POLA1: variants seen among roughly 807,000 people sequenced by gnomAD.
POLA1 encodes DNA polymerase alpha 1, catalytic subunit.
POLA1 carries 15 observed loss-of-function variants against 124.0 expected under a neutral mutation model. The observed-to-expected ratio is 0.12, with a 90% confidence interval of 0.08 to 0.19. The LOEUF (loss-of-function observed/expected upper bound fraction) is 0.19. POLA1 is among the 10% of genes least tolerant of loss of function. The pLI is 1.00. For missense variants in POLA1, 886 were observed against 1,103.4 expected, an observed-to-expected ratio of 0.80 and a Z score of 2.79; for synonymous variants, 408 against 389.4, an observed-to-expected ratio of 1.05 and a Z score of -0.56.
intron 36 of POLA1, among the ~76,000 whole-genome samples, chrX:24,959,289 C>T (rs926812593): frequency 9.0e-6 from 1 of 110,899 alleles, no homozygotes; most frequent in Admixed American, 9.6e-5. Context: ...CATGGTGAAA[C>T]CCCGTCTCTG....
At chrX:24,925,688 A>G (rs2047679472) in intron 35 of POLA1, among the ~76,000 whole-genome samples, 1 of 112,057 alleles carries the variant, frequency 8.9e-6, no homozygotes, top group South Asian at 3.7e-4. Flanking sequence ...AATGATACAT[A>G]TTAATATGTG....
At chrX:24,881,387 T>C (rs1259458277) in intron 34 of POLA1, among the ~76,000 whole-genome samples, 1 of 111,753 alleles carries the variant, frequency 8.9e-6, no homozygotes, top group Non-Finnish European at 1.9e-5. Context: ...TTTTGTGAGT[T>C]TTCTTATTTG....
At chrX:24,926,901 G>A (rs376047438) in intron 35 of POLA1, among the ~76,000 whole-genome samples, 6 of 109,365 alleles carry the variant, frequency 5.5e-5, no homozygotes, top group African/African-American at 1.7e-4. Flanking sequence ...GCGTGATCTC[G>A]GCTCACTGCA....
chrX:24,731,826 T>G (rs1467530469), intron 15 of POLA1, among the ~76,000 whole-genome samples: 1 of 112,114 alleles, frequency 8.9e-6, no homozygotes, highest in African/African-American at 3.2e-5. Flanking sequence ...CAAAATAATC[T>G]AGAGAGAGGA....
intron 2 of POLA1, among the ~76,000 whole-genome samples, chrX:24,701,599 C>T (rs752560937): frequency 9.2e-6 from 1 of 109,127 alleles, no homozygotes; most frequent in Non-Finnish European, 1.9e-5. Flanking sequence ...CCACGCCTGG[C>T]TAATTTTTAT....
chrX:24,770,493 C>T (rs1195977599), intron 26 of POLA1, among the ~76,000 whole-genome samples: 1 of 111,583 alleles, frequency 9.0e-6, no homozygotes, highest in African/African-American at 3.3e-5. Flanking sequence ...CAGGGTGAAG[C>T]CCAAGAGGAA....
At chrX:24,823,750 G>A (rs941890525) in intron 31 of POLA1, among the ~76,000 whole-genome samples, 1 of 112,297 alleles carries the variant, frequency 8.9e-6, no homozygotes, top group African/African-American at 3.2e-5. Context: ...TTAAGCAAGG[G>A]TGTCCTCCAA....
rs773275272 is a variant in POLA1, at chrX:24,741,324, A to G, written c.2217-51A>G. ...ATTTTGTGAAGTTCTGATTATAGGC[A>G]TTGTTTCTTTTAATTACTTGATTCT... On this transcript the variant is annotated intron_variant, in intron 20 of 36. Transcript: ENST00000379068. The G allele has an allele frequency of 4.0e-6, 4 of 1,012,228 alleles. No homozygotes were observed. The South Asian group carries it at 8.8e-5, about 22-fold the overall frequency. The allele number at this position is 1,012,228 out of a possible 1,213,427, so 83.4% of individuals were successfully genotyped here. A position where few individuals can be genotyped will look rare whatever the true frequency, so the allele number is the denominator to read the frequency against.
At chrX:24,849,928 C>T (rs147215716) in intron 34 of POLA1, among the ~76,000 whole-genome samples, 1 of 111,394 alleles carries the variant, frequency 9.0e-6, no homozygotes, top group African/African-American at 3.3e-5. Context: ...CCACACCCGG[C>T]CAGCTAATTT....
intron 24 of POLA1, among the ~76,000 whole-genome samples, chrX:24,746,236 A>G (rs974497053): frequency 1.8e-5 from 2 of 111,144 alleles, no homozygotes; most frequent in East Asian, 2.8e-4. Flanking sequence ...TGACCACAAG[A>G]GTAGGTTCAC....
chrX:24,833,325 T>A (rs2046294941), intron 32 of POLA1, among the ~76,000 whole-genome samples: 1 of 111,932 alleles, frequency 8.9e-6, no homozygotes, highest in South Asian at 3.8e-4. Context: ...GCTGGTTCCA[T>A]ATTTTTGCAG....
intron 35 of POLA1, among the ~76,000 whole-genome samples, chrX:24,911,252 C>G (rs1462165008): frequency 3.6e-5 from 4 of 111,605 alleles, no homozygotes; most frequent in Non-Finnish European, 7.5e-5. Flanking sequence ...CAAAGTAGGT[C>G]AATTACCGAT....
At chrX:24,837,357 T>G (rs2046354203) in intron 32 of POLA1, among the ~76,000 whole-genome samples, 2 of 111,869 alleles carry the variant, frequency 1.8e-5, no homozygotes, top group Admixed American at 9.5e-5. Context: ...GTATATACTC[T>G]TTTTGTGTGC....
Position 24,888,817 on chromosome X carries a change from G to T in POLA1, c.4164+695G>T, listed in dbSNP as rs750158489. On this transcript the variant is annotated intron_variant, in intron 35 of 36. Transcript: ENST00000379068. ...TCTTGATCTCTTGACCTTGTGATCCGCCCACCTCGGTCTCCCAAAGTGCTG... is the reference window on the plus strand; with the variant it reads ...TCTTGATCTCTTGACCTTGTGATCCTCCCACCTCGGTCTCCCAAAGTGCTG... Among the ~76,000 whole-genome samples, 3 of 107,533 alleles carry T rather than the reference G, an allele frequency of 2.8e-5. No homozygotes were observed. In the South Asian group the frequency reaches 1.3e-3, roughly 45 times the overall value. The allele number at this position is 107,533 out of a possible 115,157, so 93.4% of individuals were successfully genotyped here.
intron 35 of POLA1, among the ~76,000 whole-genome samples, chrX:24,894,788 CTT>C (rs761056089): frequency 1.1e-4 from 11 of 98,551 alleles, no homozygotes; most frequent in Admixed American, 1.1e-4. Flanking sequence ...CTTTTCTTTT[CTT>C]TTTTTTTTTT....
intron 17 of POLA1, 31 bp downstream of exon 17, chrX:24,733,847 T>C (rs1931092399): frequency 1.2e-6 from 1 of 843,615 alleles, no homozygotes; most frequent in Non-Finnish European, 1.7e-6. Flanking sequence ...AGCACCTGTT[T>C]GTTTGGAGCG....
chrX:24,877,368 T>C (rs2046948565), intron 34 of POLA1, among the ~76,000 whole-genome samples: 1 of 112,090 alleles, frequency 8.9e-6, no homozygotes, highest in Non-Finnish European at 1.9e-5. Flanking sequence ...AGTTTACTAG[T>C]AGCCCCTGGT....
chrX:24,853,060 A>C (rs897857698), intron 34 of POLA1, among the ~76,000 whole-genome samples: 1 of 112,644 alleles, frequency 8.9e-6, no homozygotes, highest in African/African-American at 3.2e-5. Context: ...GATTTCTCTC[A>C]ACTACAGCTT....
chrX:24,896,138 T>G (rs2047203158), intron 35 of POLA1, among the ~76,000 whole-genome samples: 1 of 111,590 alleles, frequency 9.0e-6, no homozygotes, highest in Admixed American at 9.5e-5. Flanking sequence ...GGGGGCAGTT[T>G]TGCCCCCCAG....
Sources: gnomAD v4.1 joint callset for allele counts (sites outside exome capture counted in the v4.1 genomes callset) on GRCh38, gnomAD v4.1.1 for gene constraint, MANE v1.5 for transcripts, NCBI Gene and HGNC (gene_info 2026-07-23, HGNC 2026-07-21) for gene names.